The following LDB2 variants were observed in gnomAD, a reference collection of about 807,000 sequenced individuals.
The protein encoded by LDB2 is LIM domain binding 2.
In LDB2, 12 loss-of-function variants were observed where a neutral mutation model predicts 44.3. The observed-to-expected ratio is 0.27, with a 90% confidence interval of 0.17 to 0.44. The LOEUF is 0.44. Ranked by LOEUF, LDB2 falls within the 20% of genes least tolerant of loss-of-function variation. LDB2 has a pLI of 1.00. For synonymous variants in LDB2, 164 were observed against 174.8 expected (o/e 0.94, Z 0.49); for missense variants, 344 against 473.5 (o/e 0.73, Z 2.54).
chr4:16,513,176 G>C (rs1459424175), intron 5 of LDB2, among the ~76,000 whole-genome samples: 1 of 152,054 alleles, frequency 6.6e-6, no homozygotes, highest in Non-Finnish European at 1.5e-5. Context: ...CCCTGCTTTT[G>C]GTCCTCTGAG....
chr4:16,734,434 C>T (rs930802588), intron 2 of LDB2, among the ~76,000 whole-genome samples: 24 of 152,162 alleles, frequency 1.6e-4, no homozygotes, highest in African/African-American at 4.6e-4. Flanking sequence ...TTCCCTGGAA[C>T]GGTGCCTTGG....
chr4:16,618,687 G>A (rs116823717), intron 2 of LDB2, among the ~76,000 whole-genome samples: 34 of 152,314 alleles, frequency 2.2e-4, no homozygotes, highest in African/African-American at 7.9e-4. Flanking sequence ...AGGAGGTGCA[G>A]TGTTCCATAG....
At chr4:16,657,796 G>C (rs2152535414) in intron 2 of LDB2, among the ~76,000 whole-genome samples, 1 of 152,316 alleles carries the variant, frequency 6.6e-6, no homozygotes, top group Non-Finnish European at 1.5e-5. Context: ...GGGTGAATTA[G>C]ATTAGACATT....
At chr4:16,791,919 A>T (rs1775839719) in intron 1 of LDB2, among the ~76,000 whole-genome samples, 1 of 152,214 alleles carries the variant, frequency 6.6e-6, no homozygotes, top group South Asian at 2.1e-4. Flanking sequence ...ACCTATTTAC[A>T]TGGGGAAAGC....
At chr4:16,626,175 C>T (rs778665221) in intron 2 of LDB2, among the ~76,000 whole-genome samples, 6 of 152,184 alleles carry the variant, frequency 3.9e-5, no homozygotes, top group Non-Finnish European at 8.8e-5. Flanking sequence ...ATAAGTTGTG[C>T]AGTGTCACAC....
At chr4:16,642,561 C>T (rs969430139) in intron 2 of LDB2, among the ~76,000 whole-genome samples, 4 of 152,148 alleles carry the variant, frequency 2.6e-5, no homozygotes, top group Non-Finnish European at 5.9e-5. Flanking sequence ...AACAAGATAA[C>T]ATTATCGCTG....
chr4:16,728,703 T>C lies in LDB2; in HGVS notation c.235+30455A>G, dbSNP rs573910746. Among the ~76,000 whole-genome samples the C allele has an allele frequency of 2.6e-5, 4 of 152,344 alleles. No homozygotes were observed. The East Asian group carries it at 7.7e-4, about 29-fold the overall frequency. ...AAATATTCTGGTACATCAGGCTTGA[T>C]AGATGATCTAGAGCATCCTCTTTCT... is the stretch of plus-strand genomic sequence containing the variant. On this transcript the variant is annotated intron_variant, in intron 2 of 7. Coordinates refer to ENST00000304523, the MANE Select transcript of LDB2 (RefSeq NM_001290.5).
At chr4:16,663,645 G>A in intron 2 of LDB2, among the ~76,000 whole-genome samples, 1 of 152,246 alleles carries the variant, frequency 6.6e-6, no homozygotes, top group Non-Finnish European at 1.5e-5. Flanking sequence ...TGTCCTTGGT[G>A]TTGAGCACAG....
At chr4:16,727,207 C>T (rs1759693892) in intron 2 of LDB2, among the ~76,000 whole-genome samples, 2 of 152,170 alleles carry the variant, frequency 1.3e-5, no homozygotes, top group Admixed American at 1.3e-4. Context: ...CATGCAAAAT[C>T]CCAGGACATT....
intron 2 of LDB2, among the ~76,000 whole-genome samples, chr4:16,612,122 A>C (rs1725829079): frequency 1.3e-5 from 2 of 152,172 alleles, no homozygotes; most frequent in African/African-American, 4.8e-5. Flanking sequence ...CTCCTGGGTA[A>C]ATAATGAAAT....
rs1561055497 is a variant in LDB2 at position 16,739,658 on chromosome 4, ATATGTATATATACATATGTGTG to A, written c.235+19478_235+19499del. On this transcript the variant is annotated intron_variant, in intron 2 of 7. Transcript: ENST00000304523. ...TATGTATATATACATATGTGTGTAT[ATATGTATATATACATATGTGTG>A]TATATATGTATATATACATATATGT... Among the ~76,000 whole-genome samples the A allele has an allele frequency of 5.3e-3, 459 of 86,774 alleles. 70 individuals are homozygous for A. Among genetic ancestry groups the A allele is most frequent in the African/African-American group, 0.02 (443 of 22,324 alleles). The allele number at this position is 86,774 out of a possible 152,430, so 56.9% of individuals were successfully genotyped here. A position where few individuals can be genotyped will look rare whatever the true frequency, so the allele number is the denominator to read the frequency against.
intron 2 of LDB2, among the ~76,000 whole-genome samples, chr4:16,633,895 G>T (rs929841241): frequency 6.6e-6 from 1 of 152,168 alleles, no homozygotes; most frequent in Non-Finnish European, 1.5e-5. Flanking sequence ...AAACAGCATG[G>T]TGCTGGTACC....
intron 2 of LDB2, among the ~76,000 whole-genome samples, chr4:16,615,992 C>A (rs1018742240): frequency 1.3e-5 from 2 of 152,166 alleles, no homozygotes. Flanking sequence ...GAAGCAACCT[C>A]ATGGGGATGT....
intron 2 of LDB2, among the ~76,000 whole-genome samples, chr4:16,719,722 A>G (rs141438563): frequency 3.9e-5 from 6 of 152,262 alleles, no homozygotes; most frequent in East Asian, 1.9e-4. Flanking sequence ...TAATGCATTT[A>G]TAAGTGTCTG....
At chr4:16,710,699 C>T (rs139654684) in intron 2 of LDB2, among the ~76,000 whole-genome samples, 1 of 152,306 alleles carries the variant, frequency 6.6e-6, no homozygotes, top group African/African-American at 2.4e-5. Context: ...ATTTGATTTT[C>T]ACAGGGGCAT....
intron 5 of LDB2, among the ~76,000 whole-genome samples, chr4:16,534,625 T>C (rs1455568314): frequency 6.6e-6 from 1 of 152,208 alleles, no homozygotes; most frequent in Non-Finnish European, 1.5e-5. Flanking sequence ...GTATTATCAT[T>C]TAAAAAAATA....
intron 2 of LDB2, among the ~76,000 whole-genome samples, chr4:16,712,046 G>GA (rs1755995040): frequency 6.6e-6 from 1 of 151,908 alleles, no homozygotes; most frequent in African/African-American, 2.4e-5. Flanking sequence ...GTCCATAAAA[G>GA]AAAAAAATTA....
At chr4:16,520,307 A>AC (rs1441360655) in intron 5 of LDB2, among the ~76,000 whole-genome samples, 1 of 151,518 alleles carries the variant, frequency 6.6e-6, no homozygotes, top group Non-Finnish European at 1.5e-5. Flanking sequence ...AGAAAAAAAA[A>AC]ACAAAAAAGC....
chr4:16,671,871 T>C (rs891784872), intron 2 of LDB2, among the ~76,000 whole-genome samples: 1 of 152,074 alleles, frequency 6.6e-6, no homozygotes, highest in Non-Finnish European at 1.5e-5. Flanking sequence ...ATAGTTGCTT[T>C]CCACACAGAA....
Sources: allele counts gnomAD v4.1 joint callset (sites outside exome capture counted in the v4.1 genomes callset), GRCh38; gene constraint gnomAD v4.1.1; transcripts MANE v1.5; gene names NCBI Gene and HGNC (gene_info 2026-07-23, HGNC 2026-07-21).